The following UACA variants were observed in gnomAD, a reference collection of about 807,000 sequenced individuals.
UACA encodes uveal autoantigen with coiled-coil domains and ankyrin repeats.
Under a neutral mutation model 160.5 loss-of-function variants are expected in UACA, and 112 were observed. That is an observed-to-expected ratio of 0.70 (90% CI 0.60 to 0.82). The LOEUF (loss-of-function observed/expected upper bound fraction) is 0.82, where lower values mean the gene tolerates loss of function less well. Ranked by LOEUF, UACA falls within the 40% of genes least tolerant of loss-of-function variation. The pLI is 0.00. For missense variants in UACA, 1,574 were observed against 1,614.6 expected, an observed-to-expected ratio of 0.97 and a Z score of 0.43; for synonymous variants, 557 against 568.4, an observed-to-expected ratio of 0.98 and a Z score of 0.29.
intron 13 of UACA, among the ~76,000 whole-genome samples, chr15:70,672,504 C>CT (rs1331069780): frequency 6.6e-6 from 1 of 151,966 alleles, no homozygotes; most frequent in Non-Finnish European, 1.5e-5. Flanking sequence ...GGAAATGAAA[C>CT]TGAGGCAGAG....
chr15:70,766,403 T>C (rs757312664), upstream of UACA, among the ~76,000 whole-genome samples: 18 of 152,210 alleles, frequency 1.2e-4, no homozygotes, highest in Non-Finnish European at 2.4e-4. Flanking sequence ...CTTTTGTTTG[T>C]TATCACACTG....
chr15:70,759,743 T>A (rs1234243923), intron 1 of UACA, among the ~76,000 whole-genome samples: 1 of 152,224 alleles, frequency 6.6e-6, no homozygotes, highest in Non-Finnish European at 1.5e-5. Flanking sequence ...GATTTGCTAG[T>A]AAAGGACTAA....
chr15:70,679,486 A>T, intron 10 of UACA, 122 bp downstream of exon 10: 1 of 512,166 alleles, frequency 2.0e-6, no homozygotes, highest in Non-Finnish European at 3.4e-6. Context: ...AATTTTAACG[A>T]GCTTCCCTTT....
chr15:70,685,035 C>T (rs1897660872), intron 7 of UACA, among the ~76,000 whole-genome samples: 2 of 152,050 alleles, frequency 1.3e-5, no homozygotes, highest in Non-Finnish European at 2.9e-5. Flanking sequence ...ATCATGCAAA[C>T]CTCCCCTAAG....
chr15:70,666,714 T>C lies in UACA; in HGVS notation c.3960+10A>G. On this transcript the variant is annotated intron_variant, in intron 16 of 18. Transcript: ENST00000322954. The stretch of plus-strand genomic sequence containing the variant: ...CCAACACATAGCCGTGCAGACTACT[T>C]TGTACCTACCTTATTATCTTTTGCT... 1.3e-6 allele frequency: 2 copies of C among 1,589,578 alleles called. No homozygotes were observed. The highest frequency in any genetic ancestry group is 1.7e-6 in the Non-Finnish European group (2 of 1,170,274).
chr15:70,669,940 T>A (rs1331135302), intron 15 of UACA, among the ~76,000 whole-genome samples: 3 of 152,188 alleles, frequency 2.0e-5, no homozygotes, highest in Non-Finnish European at 2.9e-5. Flanking sequence ...AATTATAGAT[T>A]TAACTAATAA....
intron 1 of UACA, among the ~76,000 whole-genome samples, chr15:70,699,883 C>T (rs1234759756): frequency 6.6e-6 from 1 of 151,958 alleles, no homozygotes; most frequent in Non-Finnish European, 1.5e-5. Context: ...TAAAATTATA[C>T]TTTTGAGGGA....
chr15:70,699,650 T>A lies in UACA; in HGVS notation c.89A>T (p.Asp30Val). 1 of 1,610,470 alleles carries A rather than the reference T, an allele frequency of 6.2e-7. No individual in the cohort carries two copies. Among genetic ancestry groups the A allele is most frequent in the African/African-American group, 1.4e-5 (1 of 74,004 alleles). The change falls in exon 2 of 19, where the codon GAT becomes GTT. Residue 30 changes from aspartate to valine, a missense_variant. Coordinates refer to ENST00000322954, the MANE Select transcript of UACA (RefSeq NM_018003.4). The stretch of plus-strand genomic sequence containing the variant: ...CAATCGGTCATCATATTTATTCCAA[T>A]CTGCTGCATGCTACAAAAAGGAAAA... ...GAAAASAHAA[D>V]WNKYDDRLMK...
intron 8 of UACA, among the ~76,000 whole-genome samples, chr15:70,683,618 A>C (rs1406185383): frequency 6.6e-6 from 1 of 152,208 alleles, no homozygotes; most frequent in Non-Finnish European, 1.5e-5. Flanking sequence ...ACTTAAATAA[A>C]TGGAATCTCA....
In UACA at chr15:70,660,151, C is replaced by T. The variant is rs1896652968; in HGVS notation, c.4179G>A (p.Gln1393=). 6.2e-7 allele frequency: 1 copy of T among 1,609,810 alleles called. No individual in the cohort carries two copies. The highest frequency in any genetic ancestry group is 8.5e-7 in the Non-Finnish European group (1 of 1,177,554). Residue 1393 remains glutamine (Q), a splice_region_variant and synonymous_variant, in exon 18 of 19, where the codon CAG becomes CAA. Coordinates refer to ENST00000322954, the MANE Select transcript of UACA (RefSeq NM_018003.4). ...TTCCAAAGGAGAAGTAGTTCTTTAC[C>T]TGTGCAGCACTAAGAAGGTGTGTCC... ...IYRTHLLSAA[Q]GHMDEDVQEA...
intron 1 of UACA, among the ~76,000 whole-genome samples, chr15:70,711,116 C>T (rs1295065212): frequency 6.6e-6 from 1 of 152,132 alleles, no homozygotes; most frequent in Non-Finnish European, 1.5e-5. Flanking sequence ...CAGTTGTTTG[C>T]CAGAAACCAG....
intron 17 of UACA, among the ~76,000 whole-genome samples, chr15:70,662,289 G>T (rs1459409821): frequency 6.6e-6 from 1 of 152,098 alleles, no homozygotes; most frequent in Non-Finnish European, 1.5e-5. Context: ...AAATACCTAG[G>T]AATCCAACTT....
At chr15:70,761,403 GA>G (rs950922281) in intron 1 of UACA, among the ~76,000 whole-genome samples, 111 of 134,800 alleles carry the variant, frequency 8.2e-4, no homozygotes, top group African/African-American at 1.8e-3. Flanking sequence ...AAGGCAAAAA[GA>G]AAAAAAAAAA....
In UACA at chr15:70,668,843, C is replaced by G. The variant is rs750571401; in HGVS notation, c.1841G>C (p.Gly614Ala). Residue 614 changes from glycine to alanine, a missense_variant, in exon 16 of 19, where the codon GGC (glycine) becomes GCC (alanine). By Grantham distance (60) the Gly-to-Ala change is moderately conservative. Transcript: ENST00000322954. ...CTTCGCTGACAATTCTTTTGCCTGG[C>G]CTTCCATCTCTGTGACCTTTCTTCC... The part of the protein sequence containing the change: ...KKGRKVTEME[G>A]QAKELSAKLA... 1 of 1,613,688 alleles carries G rather than the reference C, an allele frequency of 6.2e-7. No homozygotes were observed. The highest frequency in any genetic ancestry group is 1.3e-5 in the African/African-American group (1 of 74,912).
intron 1 of UACA, among the ~76,000 whole-genome samples, chr15:70,736,832 C>CTA (rs1899382683): frequency 6.6e-6 from 1 of 152,174 alleles, no homozygotes. Flanking sequence ...CTGCAGTCAT[C>CTA]TATATTGACG....
At chr15:70,705,771 A>G (rs1021149494) in intron 1 of UACA, among the ~76,000 whole-genome samples, 3 of 152,158 alleles carry the variant, frequency 2.0e-5, no homozygotes, top group African/African-American at 4.8e-5. Context: ...AAACCTATCA[A>G]GCAATCATAA....
At chr15:70,723,401 A>G (rs1899050386) in intron 1 of UACA, among the ~76,000 whole-genome samples, 1 of 152,170 alleles carries the variant, frequency 6.6e-6, no homozygotes, top group Non-Finnish European at 1.5e-5. Context: ...TAATAGACTT[A>G]CTGTTCTTAA....
At chr15:70,705,633 A>G (rs542750436) in intron 1 of UACA, among the ~76,000 whole-genome samples, 8 of 152,310 alleles carry the variant, frequency 5.3e-5, no homozygotes, top group Admixed American at 2.6e-4. Context: ...ATAATAAACT[A>G]TATCACAAAG....
intron 1 of UACA, among the ~76,000 whole-genome samples, chr15:70,727,315 T>C (rs1242455930): frequency 1.3e-5 from 2 of 152,140 alleles, no homozygotes; most frequent in African/African-American, 2.4e-5. Flanking sequence ...TTTCCAAAAA[T>C]CACAAAAATA....
Sources: allele counts gnomAD v4.1 joint callset (sites outside exome capture counted in the v4.1 genomes callset), GRCh38; gene constraint gnomAD v4.1.1; transcripts MANE v1.5; gene names NCBI Gene and HGNC (gene_info 2026-07-23, HGNC 2026-07-21).